Variants in AADACL2 observed in about 807,000 individuals in gnomAD.
AADACL2 encodes the protein arylacetamide deacetylase like 2.
AADACL2 carries 23 observed loss-of-function variants against 22.3 expected under a neutral mutation model. That is an observed-to-expected ratio of 1.03 (90% CI 0.74 to 1.46). The LOEUF is 1.46. AADACL2 is among the 40% of genes most tolerant of loss of function. The pLI is 0.00. For missense variants in AADACL2, 472 were observed against 482.9 expected, an observed-to-expected ratio of 0.98 and a Z score of 0.21; for synonymous variants, 177 against 166.2, an observed-to-expected ratio of 1.07 and a Z score of -0.50.
chr3:151,757,193 C>T lies in AADACL2; in HGVS notation c.805C>T (p.His269Tyr), dbSNP rs201893734. The T allele has an allele frequency of 1.3e-4, 209 of 1,613,476 alleles. No homozygotes were observed. Among genetic ancestry groups the T allele is most frequent in the Non-Finnish European group, 1.6e-4 (191 of 1,179,672 alleles). ...ALPWAMRRNQHMPLESRHLFK... is the reference protein window; with the variant it reads ...ALPWAMRRNQYMPLESRHLFK... ...TCCCTGGGCAATGAGAAGAAACCAA[C>T]ACATGCCTCTGGAGTCAAGACATCT... Residue 269 changes from histidine (H) to tyrosine (Y), a missense_variant, in exon 5 of 5, where the codon CAC (histidine) becomes TAC (tyrosine). Coordinates refer to ENST00000356517, the MANE Select transcript of AADACL2 (RefSeq NM_207365.4).
rs1353027722 is a variant in AADACL2, at chr3:151,756,943, T to C, written c.604-49T>C. ...CTAGATAATTAAATTTTTTTTCTCC[T>C]GGTATTTTGGAAATGTTTGCATTAC... On this transcript the variant is annotated intron_variant, in intron 4 of 4. Transcript: ENST00000356517. 4 of 1,508,864 alleles carry C rather than the reference T, an allele frequency of 2.7e-6. No homozygotes were observed. In the African/African-American group the frequency reaches 5.6e-5, roughly 21 times the overall value. 93.5% of individuals were successfully genotyped at this position (1,508,864 alleles called of 1,614,324 possible).
intron 1 of AADACL2, among the ~76,000 whole-genome samples, chr3:151,735,322 C>T (rs1713052864): frequency 6.6e-6 from 1 of 152,160 alleles, no homozygotes; most frequent in Non-Finnish European, 1.5e-5. Flanking sequence ...GTCATATAGA[C>T]AAGGAAATTG....
intron 4 of AADACL2, among the ~76,000 whole-genome samples, chr3:151,751,275 C>T (rs1051791018): frequency 1.3e-5 from 2 of 152,078 alleles, no homozygotes; most frequent in South Asian, 2.1e-4. Flanking sequence ...CATCTGAAAC[C>T]GGTTTGGGGA....
chr3:151,757,791 G>A lies in AADACL2; in HGVS notation c.*197G>A. The A allele has an allele frequency of 2.1e-6, 1 of 469,364 alleles. No individual in the cohort carries two copies. Among genetic ancestry groups the A allele is most frequent in the Middle Eastern group, 5.9e-4 (1 of 1,700 alleles). 29.1% of individuals were successfully genotyped at this position (469,364 alleles called of 1,614,324 possible). A position where few individuals can be genotyped will look rare whatever the true frequency, so the allele number is the denominator to read the frequency against. ...GAATATGTAAAATGTATGTAATCCT[G>A]CCTATTTTCTCCTTACTTATAATTT... On this transcript the variant is annotated 3_prime_UTR_variant, in exon 5 of 5. Transcript: ENST00000356517.
intron 4 of AADACL2, among the ~76,000 whole-genome samples, chr3:151,746,368 T>TG (rs1247054989): frequency 2.0e-5 from 3 of 150,064 alleles, no homozygotes; most frequent in Admixed American, 6.6e-5. Context: ...TTTTTTTGTT[T>TG]TTTTTTTTTT....
rs763908870 is a variant in AADACL2 at position 151,745,614 on chromosome 3, T to C, written c.537T>C (p.Asp179=). 1.2e-6 allele frequency: 2 copies of C among 1,613,758 alleles called. No homozygotes were observed. The highest frequency in any genetic ancestry group is 8.5e-7 in the Non-Finnish European group (1 of 1,179,874). Residue 179 remains aspartate (D), a synonymous_variant, in exon 4 of 5, where the codon GAT becomes GAC. Coordinates refer to ENST00000356517, the MANE Select transcript of AADACL2 (RefSeq NM_207365.4). The part of the protein sequence containing the change: ...LEKILTKYGV[D]PTRICIAGDS... The stretch of plus-strand genomic sequence containing the variant: ...AAATTCTTACAAAATATGGAGTGGA[T>C]CCCACCCGAATCTGCATTGCGGGAG...
At chr3:151,746,745 T>A (rs902988146) in intron 4 of AADACL2, among the ~76,000 whole-genome samples, 5 of 152,156 alleles carry the variant, frequency 3.3e-5, no homozygotes, top group African/African-American at 1.2e-4. Flanking sequence ...ATTATGCCAA[T>A]TGACTTTTAA....
chr3:151,736,604 T>G (rs1713096527), intron 1 of AADACL2, among the ~76,000 whole-genome samples: 1 of 152,184 alleles, frequency 6.6e-6, no homozygotes, highest in Non-Finnish European at 1.5e-5. Context: ...GTTAGTTTGC[T>G]GAGAATGATG....
intron 3 of AADACL2, among the ~76,000 whole-genome samples, chr3:151,745,209 T>C (rs898934526): frequency 2.0e-5 from 3 of 152,170 alleles, no homozygotes; most frequent in Non-Finnish European, 4.4e-5. Context: ...TGATGTAAGC[T>C]ATACACCATC....
chr3:151,753,895 G>A (rs73164690), intron 4 of AADACL2, among the ~76,000 whole-genome samples: 4,697 of 152,146 alleles, frequency 0.031, 119 homozygotes, highest in Non-Finnish European at 0.045. Flanking sequence ...TGCAAGGGCC[G>A]TAATATGTTC....
chr3:151,736,515 C>T (rs1713094598), intron 1 of AADACL2, among the ~76,000 whole-genome samples: 1 of 152,062 alleles, frequency 6.6e-6, no homozygotes, highest in South Asian at 2.1e-4. Flanking sequence ...TGATGTTCCC[C>T]TCCCTGTGTC....
rs985569460 is a variant in AADACL2, at chr3:151,761,103, AT to A, written c.*3516del. The A allele has an allele frequency of 1.4e-5, 2 of 147,232 alleles. No individual in the cohort carries two copies. Among genetic ancestry groups the A allele is most frequent in the East Asian group, 2.0e-4 (1 of 5,054 alleles). The allele number at this position is 147,232 out of a possible 1,614,324, so 9.1% of individuals were successfully genotyped here. A position where few individuals can be genotyped will look rare whatever the true frequency, so the allele number is the denominator to read the frequency against. On this transcript the variant is annotated 3_prime_UTR_variant, in exon 5 of 5. Coordinates refer to ENST00000356517, the MANE Select transcript of AADACL2 (RefSeq NM_207365.4). ...TATATATATGGTGAGATATATATAT[AT>A]TTTTTTATATATGGTGAGATATATA...
rs1713964100 is a variant in AADACL2, at chr3:151,757,356, A to G, written c.968A>G (p.Asn323Ser). ...TDSRALPLLA[N>S]DSQLQNLPLT... ...AGCAGAGCATTACCCTTGTTGGCCA[A>G]TGATTCTCAGTTACAGAATTTGCCA... The change falls in exon 5 of 5, where the codon AAT becomes AGT. Residue 323 changes from asparagine to serine, a missense_variant. By Grantham distance (46) the Asn-to-Ser change is conservative. Around this residue, in one of 3 missense-constraint regions of AADACL2, gnomAD observed 113 missense variants for 100.9 expected, o/e 1.12. Transcript: ENST00000356517. 1.9e-6 allele frequency: 3 copies of G among 1,613,812 alleles called. No individual in the cohort carries two copies. Among genetic ancestry groups the G allele is most frequent in the East Asian group, 2.2e-5 (1 of 44,874 alleles).
At chr3:151,739,640 C>A (rs941497881) in intron 1 of AADACL2, among the ~76,000 whole-genome samples, 1 of 152,200 alleles carries the variant, frequency 6.6e-6, no homozygotes, top group Admixed American at 6.5e-5. Context: ...GGTGCTCTGT[C>A]TCAGGAAGAT....
At chr3:151,743,497 ATCAAG>A (rs1159461754) in intron 2 of AADACL2, among the ~76,000 whole-genome samples, 1 of 152,156 alleles carries the variant, frequency 6.6e-6, no homozygotes, top group Non-Finnish European at 1.5e-5. Flanking sequence ...TCATATGTAT[ATCAAG>A]TCTTCACACT....
At chr3:151,745,000 T>C (rs1423763347) in intron 3 of AADACL2, among the ~76,000 whole-genome samples, 2 of 152,126 alleles carry the variant, frequency 1.3e-5, no homozygotes, top group African/African-American at 2.4e-5. Context: ...TATTTATATA[T>C]CAAAATTTTT....
Position 151,757,708 on chromosome 3 carries a change from T to G in AADACL2, c.*114T>G, listed in dbSNP as rs1713988296. 4.5e-6 allele frequency: 6 copies of G among 1,318,954 alleles called. No individual in the cohort carries two copies. The Admixed American group carries it at 1.4e-4, about 31-fold the overall frequency. 81.7% of individuals were successfully genotyped at this position (1,318,954 alleles called of 1,614,324 possible). On this transcript the variant is annotated 3_prime_UTR_variant, in exon 5 of 5. Coordinates refer to ENST00000356517, the MANE Select transcript of AADACL2 (RefSeq NM_207365.4). ...TTATCTAAATCTACATTTGCAACAT[T>G]TGTAGCAGTTAATGTGTGTCCTTGA...
chr3:151,740,513 A>G, intron 1 of AADACL2, 133 bp from the exon 2 acceptor site: 1 of 627,530 alleles, frequency 1.6e-6, no homozygotes, highest in Non-Finnish European at 2.6e-6. Context: ...TTATTTGGAA[A>G]TAATATTTTT....
At chr3:151,756,072 C>A (rs1487299452) in intron 4 of AADACL2, among the ~76,000 whole-genome samples, 1 of 152,036 alleles carries the variant, frequency 6.6e-6, no homozygotes, top group Non-Finnish European at 1.5e-5. Flanking sequence ...TTCAGCCAGC[C>A]ACTGTGGTGA....
Sources: allele counts gnomAD v4.1 joint callset (sites outside exome capture counted in the v4.1 genomes callset), GRCh38; gene constraint gnomAD v4.1.1; regional missense constraint gnomAD v4.1.1; transcripts MANE v1.5; gene names NCBI Gene and HGNC (gene_info 2026-07-23, HGNC 2026-07-21).